Variants in NDUFAF6 observed in about 807,000 individuals in gnomAD.
The protein encoded by NDUFAF6 is NADH:ubiquinone oxidoreductase complex assembly factor 6.
NDUFAF6 carries 45 observed loss-of-function variants against 40.8 expected under a neutral mutation model. The ratio of observed to expected loss-of-function variants is 1.10; its 90% confidence interval spans 0.87 to 1.42. The LOEUF is 1.42. Among genes scored for constraint, NDUFAF6 ranks in the 40% most tolerant of loss-of-function variants. The probability of loss-of-function intolerance (pLI) is 0.00; values close to 1 mark genes in which losing one functional copy is unlikely to be tolerated. For synonymous variants in NDUFAF6, 185 were observed against 155.9 expected (o/e 1.19, Z -1.39); for missense variants, 435 against 418.5 (o/e 1.04, Z -0.34).
At chr8:95,081,143 C>CTTTTTTTTTTTTTTTT (rs559573385), downstream of NDUFAF6, among the ~76,000 whole-genome samples, 2 of 57,712 alleles carry the variant, frequency 3.5e-5, no homozygotes, top group African/African-American at 1.6e-4. Flanking sequence ...AGTCCTGCAT[C>CTTTTTTTTTTTTTTTT]TTTTTTTTTT....
At chr8:95,028,039 A>G (rs543175717) in intron 1 of NDUFAF6, among the ~76,000 whole-genome samples, 2 of 152,366 alleles carry the variant, frequency 1.3e-5, no homozygotes, top group Non-Finnish European at 2.9e-5. Context: ...GTTGGAGTGC[A>G]CTAATGTTCT....
At chr8:95,063,265 T>A (rs1832615437), downstream of NDUFAF6, among the ~76,000 whole-genome samples, 1 of 152,242 alleles carries the variant, frequency 6.6e-6, no homozygotes, top group Non-Finnish European at 1.5e-5. Flanking sequence ...AGAATGTTTT[T>A]ATTGTTATTT....
At chr8:94,946,761 A>G (rs1822056220) in intron 2 of NDUFAF6, among the ~76,000 whole-genome samples, 1 of 148,720 alleles carries the variant, frequency 6.7e-6, no homozygotes, top group East Asian at 2.0e-4. Context: ...TGCTACTTGC[A>G]ACCTATGTGA....
At chr8:94,904,246 C>G (rs1474307937) in intron 1 of NDUFAF6, among the ~76,000 whole-genome samples, 1 of 149,972 alleles carries the variant, frequency 6.7e-6, no homozygotes, top group Non-Finnish European at 1.5e-5. Flanking sequence ...TGGGTTCACG[C>G]CATTCTCCTG....
chr8:94,977,053 A>C (rs1443025230), intron 1 of NDUFAF6, among the ~76,000 whole-genome samples: 1 of 149,834 alleles, frequency 6.7e-6, no homozygotes, highest in African/African-American at 2.5e-5. Context: ...TGAGAGGATC[A>C]CCTAAACTCA....
chr8:95,025,178 C>T lies in NDUFAF6; in HGVS notation c.170C>T (p.Thr57Ile), dbSNP rs1181794909. 1.4e-6 allele frequency: 2 copies of T among 1,473,652 alleles called. No homozygotes were observed. The highest frequency in any genetic ancestry group is 5.1e-5 in the Admixed American group (2 of 39,264). 91.3% of individuals were successfully genotyped at this position (1,473,652 alleles called of 1,614,324 possible). A position where few individuals can be genotyped will look rare whatever the true frequency, so the allele number is the denominator to read the frequency against. Residue 57 changes from threonine to isoleucine, a missense_variant, in exon 1 of 9, where the codon ACT (threonine) becomes ATT (isoleucine). Coordinates refer to ENST00000396124, the MANE Select transcript of NDUFAF6 (RefSeq NM_152416.4). ...AAASGPGAWG[T>I]DHYCLELLRK... ...GCCAGCGGACCGGGCGCCTGGGGCA[C>T]TGACCACTACTGCCTGGAGCTGCTG...
At chr8:94,915,619 G>C (rs1408268752) in intron 1 of NDUFAF6, among the ~76,000 whole-genome samples, 2 of 152,194 alleles carry the variant, frequency 1.3e-5, no homozygotes, top group African/African-American at 4.8e-5. Context: ...TGGTAATTCT[G>C]TTTTTACTTC....
At chr8:95,034,038 T>C (rs1294429164) in intron 2 of NDUFAF6, 1 of 457,720 alleles carries the variant, frequency 2.2e-6, no homozygotes, top group East Asian at 6.9e-5. Flanking sequence ...TGCTGTACTG[T>C]ATGCCACTGG....
intron 1 of NDUFAF6, chr8:94,958,207 A>C (rs1384094416): frequency 6.6e-6 from 1 of 152,248 alleles, no homozygotes; most frequent in Non-Finnish European, 1.5e-5. Context: ...GAAGGTCTAA[A>C]TGTATTTACT....
chr8:94,921,966 A>G (rs1819531472), intron 1 of NDUFAF6, among the ~76,000 whole-genome samples: 1 of 152,184 alleles, frequency 6.6e-6, no homozygotes, highest in African/African-American at 2.4e-5. Context: ...ACTGAGTTAG[A>G]AACTTCAGAA....
chr8:95,015,340 T>C (rs6989862), intron 2 of NDUFAF6, among the ~76,000 whole-genome samples: 21,855 of 152,220 alleles, frequency 0.14, 1,598 homozygotes, highest in Middle Eastern at 0.25. Context: ...TCATTTGTAA[T>C]TTTAAGAAAG....
At chr8:95,059,044 C>T (rs79396265), downstream of NDUFAF6, among the ~76,000 whole-genome samples, 18,599 of 151,938 alleles carry the variant, frequency 0.12, 1,223 homozygotes, top group Middle Eastern at 0.24. Flanking sequence ...CAAAGACAAA[C>T]GAATAATAAT....
intron 1 of NDUFAF6, among the ~76,000 whole-genome samples, chr8:95,030,717 C>A (rs1317641236): frequency 6.6e-6 from 1 of 152,160 alleles, no homozygotes; most frequent in African/African-American, 2.4e-5. Context: ...TCAGTTATTC[C>A]TTCCAGGAGC....
chr8:95,037,031 G>A (rs1317328576), intron 3 of NDUFAF6, among the ~76,000 whole-genome samples: 1 of 152,202 alleles, frequency 6.6e-6, no homozygotes, highest in Non-Finnish European at 1.5e-5. Flanking sequence ...AGGGAACAAT[G>A]ACAATGTGTT....
At chr8:95,085,988 G>A (rs777502149) in intron 2 of NDUFAF6, among the ~76,000 whole-genome samples, 3 of 152,090 alleles carry the variant, frequency 2.0e-5, no homozygotes, top group Non-Finnish European at 2.9e-5. Context: ...AGTCCCAAAC[G>A]CTAACTTTTG....
intron 1 of NDUFAF6, among the ~76,000 whole-genome samples, chr8:94,903,893 G>A (rs1201888973): frequency 6.6e-6 from 1 of 152,128 alleles, no homozygotes; most frequent in African/African-American, 2.4e-5. Context: ...TGTGGGGCAG[G>A]CAGCACTGTC....
chr8:95,099,972 T>G (rs187947475), upstream of NDUFAF6, among the ~76,000 whole-genome samples: 19 of 152,318 alleles, frequency 1.2e-4, no homozygotes, highest in African/African-American at 4.6e-4. Context: ...TGCGCAGGTG[T>G]GTCTAGGCTC....
At chr8:95,041,420 C>T in intron 3 of NDUFAF6, 150 bp from the exon 4 acceptor site, 1 of 584,122 alleles carries the variant, frequency 1.7e-6, no homozygotes. Flanking sequence ...TTCTTTTTCC[C>T]TGATACTTCT....
intron 1 of NDUFAF6, among the ~76,000 whole-genome samples, chr8:94,960,368 G>A (rs1586812870): frequency 6.6e-6 from 1 of 152,186 alleles, no homozygotes; most frequent in African/African-American, 2.4e-5. Context: ...AACCCGTAAA[G>A]GTTATCTGAA....
Sources: gnomAD v4.1 joint callset for allele counts (sites outside exome capture counted in the v4.1 genomes callset) on GRCh38, gnomAD v4.1.1 for gene constraint, MANE v1.5 for transcripts, NCBI Gene and HGNC (gene_info 2026-07-23, HGNC 2026-07-21) for gene names.